AFG2A: variants seen among roughly 807,000 people sequenced by gnomAD.
AFG2A encodes the protein ATPase family gene 2 protein homolog A.
chr4:123,078,462 G>C, the AFG2A span, among the ~76,000 whole-genome samples: 4 of 152,160 alleles, frequency 2.6e-5, 1 homozygote, highest in Admixed American at 6.5e-5. Context: ...TATTATTTTT[G>C]TGCATTAATA....
At chr4:123,216,367 T>G in the AFG2A span, among the ~76,000 whole-genome samples, 1 of 152,182 alleles carries the variant, frequency 6.6e-6, no homozygotes, top group African/African-American at 2.4e-5. Context: ...AATTCTATTT[T>G]TAAAACTTTG....
chr4:123,124,658 C>T, the AFG2A span, among the ~76,000 whole-genome samples: 1 of 151,970 alleles, frequency 6.6e-6, no homozygotes, highest in African/African-American at 2.4e-5. Flanking sequence ...ACAAAAAAAA[C>T]CATGTTCTTA....
At chr4:123,204,696 A>G in the AFG2A span, among the ~76,000 whole-genome samples, 2 of 152,196 alleles carry the variant, frequency 1.3e-5, no homozygotes, top group Non-Finnish European at 2.9e-5. Flanking sequence ...GTGATGCCAC[A>G]TGCTACAGTC....
the AFG2A span, among the ~76,000 whole-genome samples, chr4:123,266,693 A>G: frequency 6.6e-6 from 1 of 151,802 alleles, no homozygotes; most frequent in Admixed American, 6.6e-5. Context: ...AAATGTGTAA[A>G]GCTAATGTTT....
At chr4:123,143,831 CTT>C in the AFG2A span, among the ~76,000 whole-genome samples, 270 of 133,546 alleles carry the variant, frequency 2.0e-3, no homozygotes, top group Non-Finnish European at 2.4e-3. Flanking sequence ...ACTTCTCTCT[CTT>C]TTTTTTTTTT....
chr4:123,015,689 G>A, the AFG2A span, among the ~76,000 whole-genome samples: 1 of 151,508 alleles, frequency 6.6e-6, no homozygotes, highest in African/African-American at 2.4e-5. Flanking sequence ...CGTTATCAAT[G>A]AGCTGTTGGG....
At chr4:122,965,208 A>C in the AFG2A span, among the ~76,000 whole-genome samples, 1 of 152,166 alleles carries the variant, frequency 6.6e-6, no homozygotes, top group African/African-American at 2.4e-5. Flanking sequence ...TGATCAGTTT[A>C]ATTTTATTGT....
chr4:123,105,136 GACT>G, the AFG2A span, among the ~76,000 whole-genome samples: 1 of 152,126 alleles, frequency 6.6e-6, no homozygotes, highest in African/African-American at 2.4e-5. Context: ...TGCAGCTGGT[GACT>G]ACGTGGAAGC....
At chr4:123,308,578 C>T in the AFG2A span, among the ~76,000 whole-genome samples, 1 of 152,124 alleles carries the variant, frequency 6.6e-6, no homozygotes, top group Non-Finnish European at 1.5e-5. Context: ...GAGTCTAATG[C>T]CTGATGATCT....
At chr4:123,192,431 A>G in the AFG2A span, among the ~76,000 whole-genome samples, 16 of 152,322 alleles carry the variant, frequency 1.1e-4, no homozygotes, top group East Asian at 2.9e-3. Context: ...ACACTCATAC[A>G]TCTCCTCATG....
chr4:123,127,973 C>T, the AFG2A span, among the ~76,000 whole-genome samples: 8 of 152,094 alleles, frequency 5.3e-5, no homozygotes, highest in African/African-American at 1.4e-4. Flanking sequence ...TTATACTAAA[C>T]AGTGTTTAAC....
At chr4:123,080,866 G>A in the AFG2A span, among the ~76,000 whole-genome samples, 16 of 151,238 alleles carry the variant, frequency 1.1e-4, no homozygotes, top group African/African-American at 3.2e-4. Flanking sequence ...CTAACTATCC[G>A]TCCTGGATCG....
the AFG2A span, among the ~76,000 whole-genome samples, chr4:123,199,092 T>C: frequency 6.6e-6 from 1 of 152,124 alleles, no homozygotes; most frequent in African/African-American, 2.4e-5. Flanking sequence ...GTGTACAGAA[T>C]TCATACTTAA....
the AFG2A span, among the ~76,000 whole-genome samples, chr4:122,999,159 G>GTTT: frequency 7.5e-6 from 1 of 132,856 alleles, no homozygotes; most frequent in African/African-American, 2.7e-5. Context: ...TGATGGGGTT[G>GTTT]TTTTTTTCTT....
At chr4:123,237,443 T>C in the AFG2A span, among the ~76,000 whole-genome samples, 1 of 151,812 alleles carries the variant, frequency 6.6e-6, no homozygotes, top group African/African-American at 2.4e-5. Context: ...GAGGAGATCA[T>C]AGTGACGCCA....
the AFG2A span, among the ~76,000 whole-genome samples, chr4:123,014,437 G>GT: frequency 1.3e-5 from 2 of 151,948 alleles, no homozygotes; most frequent in Admixed American, 1.3e-4. Flanking sequence ...AAAGTAGGTA[G>GT]TTTTTTAAAA....
At chr4:123,120,427 T>C in the AFG2A span, among the ~76,000 whole-genome samples, 2 of 152,176 alleles carry the variant, frequency 1.3e-5, no homozygotes, top group African/African-American at 4.8e-5. Context: ...TAATTAACCA[T>C]TAAAAATTAG....
the AFG2A span, among the ~76,000 whole-genome samples, chr4:123,246,430 C>A: frequency 3.3e-5 from 5 of 152,296 alleles, no homozygotes; most frequent in Non-Finnish European, 7.4e-5. Context: ...CTGTCTCTTT[C>A]CTCATTAAAA....
chr4:123,261,064 A>G, the AFG2A span, among the ~76,000 whole-genome samples: 1 of 152,134 alleles, frequency 6.6e-6, no homozygotes, highest in African/African-American at 2.4e-5. Context: ...AACGCCTGAG[A>G]ACAGTTTCAT....
Sources: allele counts gnomAD v4.1 joint callset (sites outside exome capture counted in the v4.1 genomes callset), GRCh38; gene constraint gnomAD v4.1.1; transcripts MANE v1.5; gene names NCBI Gene and HGNC (gene_info 2026-07-23, HGNC 2026-07-21).